Variants in LARP4B observed in about 807,000 individuals in gnomAD.
LARP4B encodes la-related protein 4B.
LARP4B carries 12 observed loss-of-function variants against 89.8 expected under a neutral mutation model. The ratio of observed to expected loss-of-function variants is 0.13; its 90% CI spans 0.09 to 0.22. The LOEUF is 0.22. Ranked by LOEUF, LARP4B falls within the 10% of genes least tolerant of loss-of-function variation. The pLI is 1.00. For missense variants in LARP4B, 757 were observed against 947.7 expected, an observed-to-expected ratio of 0.80 and a Z score of 2.64; for synonymous variants, 367 against 363.3, an observed-to-expected ratio of 1.01 and a Z score of -0.12.
Position 829,591 on chromosome 10 carries a change from G to T in LARP4B, c.919C>A (p.Arg307=). ...ATAGCTATTGCCTTTGCTTTTATCC[G>T]TGCCTGTTTGAAAATATGTAAGTTT... ...KTFQGKPIKA[R]IKAKAIAINT... is the part of the protein sequence containing the mutation. Residue 307 remains arginine, a synonymous_variant, in exon 11 of 18, where the codon CGG becomes AGG. Transcript: ENST00000316157. 1 of 1,613,766 alleles carries T rather than the reference G, an allele frequency of 6.2e-7. No homozygotes were observed. The highest frequency in any genetic ancestry group is 8.5e-7 in the Non-Finnish European group (1 of 1,179,832).
intron 1 of LARP4B, among the ~76,000 whole-genome samples, chr10:908,560 G>T (rs1482865339): frequency 1.3e-5 from 2 of 152,158 alleles, no homozygotes; most frequent in Non-Finnish European, 2.9e-5. Context: ...ACTATCTCCA[G>T]GTAGAGTGTT....
chr10:910,898 C>T lies in LARP4B; in HGVS notation c.-40+20530G>A, dbSNP rs922365602. 2.6e-5 allele frequency among the ~76,000 whole-genome samples: 4 copies of T among 152,186 alleles called. No homozygotes were observed. The South Asian group carries it at 8.3e-4, about 32-fold the overall frequency. ...CCAGATGGGTGTGAGGGTCTGGTCC[C>T]CCGTACCCTGCTTGAGCACTCCCGT... On this transcript the variant is annotated intron_variant, in intron 1 of 17. Transcript: ENST00000316157.
chr10:901,362 G>A (rs1836339569), intron 1 of LARP4B, among the ~76,000 whole-genome samples: 1 of 152,078 alleles, frequency 6.6e-6, no homozygotes, highest in South Asian at 2.1e-4. Context: ...TTTATCTCAC[G>A]GCTGCCAGCA....
Position 825,202 on chromosome 10 carries a change from G to C in LARP4B, c.1347C>G (p.Val449=). The C allele has an allele frequency of 6.2e-7, 1 of 1,614,116 alleles. No individual in the cohort carries two copies. Among genetic ancestry groups the C allele is most frequent in the Middle Eastern group, 1.6e-4 (1 of 6,062 alleles). Residue 449 remains valine, a synonymous_variant, in exon 13 of 18, where the codon GTC becomes GTG. Transcript: ENST00000316157. ...NFTADRLING[V]RSPQTRQAGQ... ...CTGCTTGCCTTGTTTGTGGACTCCG[G>C]ACACCATTAATTAATCGATCTGCAG...
intron 1 of LARP4B, among the ~76,000 whole-genome samples, chr10:906,905 G>A (rs1241655105): frequency 6.6e-6 from 1 of 152,144 alleles, no homozygotes; most frequent in Middle Eastern, 3.2e-3. Flanking sequence ...GTTTCTTAAA[G>A]CATCTCCCTT....
At chr10:932,977 A>C (rs1008310531), upstream of LARP4B, 1 of 152,286 alleles carries the variant, frequency 6.6e-6, no homozygotes, top group African/African-American at 2.4e-5. Flanking sequence ...CCCACGTTGC[A>C]ACGAGTCAGA....
downstream of LARP4B, chr10:807,674 G>T (rs1053293477): frequency 6.6e-6 from 1 of 152,498 alleles, no homozygotes; most frequent in African/African-American, 2.4e-5. Context: ...GCTCCACCAG[G>T]GCAGGGCTAA....
At chr10:862,256 T>TTAA (rs774427840) in intron 5 of LARP4B, among the ~76,000 whole-genome samples, 4 of 84,396 alleles carry the variant, frequency 4.7e-5, no homozygotes, top group Admixed American at 1.4e-4. Context: ...CCACTGAAGT[T>TTAA]AAAAAAAAAA....
the LARP4B span, among the ~76,000 whole-genome samples, chr10:978,789 ATTAT>A: frequency 3.0e-4 from 46 of 152,282 alleles, no homozygotes; most frequent in African/African-American, 1.1e-3. Flanking sequence ...TTGCAAGTAT[ATTAT>A]TTAAACTTTC....
the LARP4B span, among the ~76,000 whole-genome samples, chr10:978,367 A>G: frequency 2.2e-3 from 330 of 152,312 alleles, 5 homozygotes; most frequent in Admixed American, 0.013. Flanking sequence ...GGTTTACATT[A>G]AAGTTATCTT....
chr10:869,949 T>TAATAAA (rs1290629564), intron 3 of LARP4B: 6 of 150,108 alleles, frequency 4.0e-5, no homozygotes, highest in African/African-American at 1.5e-4. Flanking sequence ...ATAATAATAA[T>TAATAAA]AAATTAAAAT....
At chr10:948,349 C>G in the LARP4B span, among the ~76,000 whole-genome samples, 1 of 152,300 alleles carries the variant, frequency 6.6e-6, no homozygotes, top group South Asian at 2.1e-4. Flanking sequence ...AAGGTTCAAG[C>G]GATTCTCCTG....
the LARP4B span, among the ~76,000 whole-genome samples, chr10:973,620 G>T: frequency 6.6e-6 from 1 of 152,044 alleles, no homozygotes; most frequent in African/African-American, 2.4e-5. Context: ...CAAAGTGCTG[G>T]GATTACAGGT....
intron 5 of LARP4B, among the ~76,000 whole-genome samples, chr10:846,306 G>C (rs886968593): frequency 6.6e-6 from 1 of 152,206 alleles, no homozygotes; most frequent in Non-Finnish European, 1.5e-5. Context: ...GCAGATAACA[G>C]ACAGTTAACC....
At chr10:945,545 G>A in the LARP4B span, among the ~76,000 whole-genome samples, 21 of 152,056 alleles carry the variant, frequency 1.4e-4, no homozygotes, top group Admixed American at 2.6e-4. Context: ...AAAATTAGCC[G>A]GGCATGGTGG....
At chr10:833,249 TAAAAAAAAAAAAA>T (rs56788542) in intron 8 of LARP4B, among the ~76,000 whole-genome samples, 1,020 of 52,112 alleles carry the variant, frequency 0.02, 17 homozygotes, top group Middle Eastern at 0.094. Context: ...TGATGAGCTT[TAAAAAAAAAAAAA>T]AAAAAAAAAA....
At chr10:884,388 G>A (rs1267527549) in intron 3 of LARP4B, 59 bp downstream of exon 3, 2 of 1,111,742 alleles carry the variant, frequency 1.8e-6, no homozygotes, top group Non-Finnish European at 2.7e-6. Flanking sequence ...TCTTAAGGAA[G>A]TATCTCTGAG....
At position 838,928 on chromosome 10, in the gene LARP4B, C is replaced by T. The variant is rs374069830; in HGVS notation, c.647-2422G>A. On this transcript the variant is annotated intron_variant, in intron 7 of 17. Coordinates refer to ENST00000316157, the MANE Select transcript of LARP4B (RefSeq NM_015155.3). ...ATCCAGACAATGAACTATTATTCCA[C>T]ACTAAAAAGAAATGATCTATCAAGC... Among the ~76,000 whole-genome samples, 6 of 152,248 alleles carry T rather than the reference C, an allele frequency of 3.9e-5. No homozygotes were observed. In the East Asian group the frequency reaches 9.7e-4, roughly 25 times the overall value.
the LARP4B span, among the ~76,000 whole-genome samples, chr10:956,886 G>T: frequency 6.6e-6 from 1 of 152,130 alleles, no homozygotes; most frequent in African/African-American, 2.4e-5. This position sits in a 1 kb window ranked among gnomAD's most constrained non-coding sequence, Gnocchi z 4.3. Flanking sequence ...CTTAATTTGG[G>T]CCAGGAAGGT....
Sources: allele counts gnomAD v4.1 joint callset (sites outside exome capture counted in the v4.1 genomes callset), GRCh38; gene constraint gnomAD v4.1.1; non-coding constraint Gnocchi (gnomAD v3.1); transcripts MANE v1.5; gene names NCBI Gene and HGNC (gene_info 2026-07-23, HGNC 2026-07-21).